The following PRMT3 variants were observed in gnomAD, a reference collection of about 807,000 sequenced individuals.
PRMT3 encodes the protein protein arginine N-methyltransferase 3.
A neutral mutation model predicts 71.9 loss-of-function variants in PRMT3; 62 were observed. The ratio of observed to expected loss-of-function variants is 0.86; its 90% CI spans 0.70 to 1.07. PRMT3 has a LOEUF of 1.07. Ranked by LOEUF, PRMT3 falls within the 50% of genes least tolerant of loss-of-function variation. The pLI, the probability that PRMT3 is intolerant of heterozygous loss-of-function variation, is 0.00. For synonymous variants in PRMT3, 213 were observed against 220.4 expected, an observed-to-expected ratio of 0.97 and a Z score of 0.30; for missense variants, 663 against 643.0, an observed-to-expected ratio of 1.03 and a Z score of -0.34.
intron 10 of PRMT3, among the ~76,000 whole-genome samples, chr11:20,444,222 T>TA (rs1379724101): frequency 6.6e-6 from 1 of 152,176 alleles, no homozygotes; most frequent in Non-Finnish European, 1.5e-5. Context: ...AAAAAAATGT[T>TA]ACCAGTTTCT....
At chr11:20,435,319 A>G (rs1003559324) in intron 10 of PRMT3, among the ~76,000 whole-genome samples, 1 of 152,052 alleles carries the variant, frequency 6.6e-6, no homozygotes, top group Non-Finnish European at 1.5e-5. Flanking sequence ...CTTCCACCCC[A>G]GTATCCTGAG....
chr11:20,442,363 G>A (rs55882017), intron 10 of PRMT3, among the ~76,000 whole-genome samples: 10,542 of 151,550 alleles, frequency 0.07, 515 homozygotes, highest in Middle Eastern at 0.14. Context: ...TTTTAGTTAT[G>A]CAAAAAATTA....
chr11:20,402,275 A>T (rs1250454760), intron 7 of PRMT3, among the ~76,000 whole-genome samples: 3 of 151,958 alleles, frequency 2.0e-5, no homozygotes, highest in Non-Finnish European at 4.4e-5. Flanking sequence ...ATGCGCCACC[A>T]CACCCGACTA....
intron 9 of PRMT3, among the ~76,000 whole-genome samples, chr11:20,412,036 T>C (rs1460196968): frequency 6.6e-6 from 1 of 152,186 alleles, no homozygotes; most frequent in Non-Finnish European, 1.5e-5. Context: ...TAGATGTATT[T>C]AAAGGACTAA....
chr11:20,387,853 G>T lies in PRMT3; in HGVS notation c.28+79G>T. 1 of 1,536,238 alleles carries T rather than the reference G, an allele frequency of 6.5e-7. No homozygotes were observed. The stretch of plus-strand genomic sequence containing the variant: ...TGTGGGGCCGGTGGAAGACCCTCCG[G>T]GACACGGGCCCGGGCAGGGTGGGGG... On this transcript the variant is annotated intron_variant, in intron 1 of 15. Coordinates refer to ENST00000331079, the MANE Select transcript of PRMT3 (RefSeq NM_005788.4). This position sits in a 1 kb window ranked among gnomAD's most constrained non-coding sequence, Gnocchi z 4.3.
At chr11:20,489,208 T>C (rs1432793493) in intron 13 of PRMT3, among the ~76,000 whole-genome samples, 1 of 152,244 alleles carries the variant, frequency 6.6e-6, no homozygotes, top group Non-Finnish European at 1.5e-5. Flanking sequence ...AACTAAACTT[T>C]TAGTTATAAA....
At chr11:20,490,118 G>A (rs1851172239) in intron 13 of PRMT3, among the ~76,000 whole-genome samples, 1 of 151,420 alleles carries the variant, frequency 6.6e-6, no homozygotes, top group Admixed American at 6.6e-5. Flanking sequence ...TGTCTAGTGA[G>A]TAGATAGATT....
intron 13 of PRMT3, among the ~76,000 whole-genome samples, chr11:20,484,088 A>C (rs1219656015): frequency 6.6e-6 from 1 of 152,192 alleles, no homozygotes; most frequent in Admixed American, 6.5e-5. Context: ...GTCCCTGAAC[A>C]TTCCAGGATA....
chr11:20,463,761 G>A (rs997971659), intron 12 of PRMT3, among the ~76,000 whole-genome samples: 1 of 152,088 alleles, frequency 6.6e-6, no homozygotes, highest in Non-Finnish European at 1.5e-5. Context: ...AGCTGATGAC[G>A]GTCTTTACAG....
chr11:20,435,389 A>T (rs536505681), intron 10 of PRMT3, among the ~76,000 whole-genome samples: 1 of 152,136 alleles, frequency 6.6e-6, no homozygotes, highest in South Asian at 2.1e-4. Flanking sequence ...TTCAGTAGAG[A>T]TGGGGTTTTG....
Position 20,462,049 on chromosome 11 carries a change from C to T in PRMT3, c.1142C>T (p.Ala381Val). The T allele has an allele frequency of 6.2e-7, 1 of 1,612,736 alleles. No homozygotes were observed. The highest frequency in any genetic ancestry group is 8.5e-7 in the Non-Finnish European group (1 of 1,179,142). ...GTGAATAAACATGCTGATAGAATTG[C>T]TTTTTGGGATGATGTCTATGGCTTC... ...SDVNKHADRIAFWDDVYGFKM... is the reference protein window; with the variant it reads ...SDVNKHADRIVFWDDVYGFKM... Residue 381 changes from alanine (A) to valine (V), a missense_variant, in exon 12 of 16, where the codon GCT (alanine) becomes GTT (valine). Transcript: ENST00000331079.
chr11:20,406,609 A>G (rs1307051940), intron 8 of PRMT3: 1 of 152,220 alleles, frequency 6.6e-6, no homozygotes, highest in Non-Finnish European at 1.5e-5. Flanking sequence ...CTATTAACAT[A>G]GGTATACAGA....
chr11:20,468,656 A>G (rs34016883), intron 13 of PRMT3, among the ~76,000 whole-genome samples: 8,954 of 152,088 alleles, frequency 0.059, 821 homozygotes, highest in African/African-American at 0.2. Flanking sequence ...GGCATGAACC[A>G]CTCTCTGCCT....
At chr11:20,432,764 A>C (rs1045709411) in intron 10 of PRMT3, among the ~76,000 whole-genome samples, 2 of 152,210 alleles carry the variant, frequency 1.3e-5, no homozygotes, top group African/African-American at 4.8e-5. Flanking sequence ...GCATGAAATA[A>C]TATCACATTA....
At chr11:20,396,060 A>T in intron 6 of PRMT3, 98 bp downstream of exon 6, 2 of 1,099,542 alleles carry the variant, frequency 1.8e-6, no homozygotes, top group Non-Finnish European at 2.6e-6. Flanking sequence ...ATATACTGGA[A>T]AGTACAATGT....
chr11:20,481,442 GTGTGT>G (rs1850930146), intron 13 of PRMT3, among the ~76,000 whole-genome samples: 1 of 152,032 alleles, frequency 6.6e-6, no homozygotes. Context: ...CTTTATAAAA[GTGTGT>G]ATTTTTAATA....
intron 6 of PRMT3, among the ~76,000 whole-genome samples, chr11:20,396,408 G>A (rs994111785): frequency 2.0e-5 from 3 of 152,178 alleles, no homozygotes; most frequent in Non-Finnish European, 4.4e-5. Context: ...GGAGGCCGAG[G>A]CAGGAGGATC....
intron 15 of PRMT3, among the ~76,000 whole-genome samples, chr11:20,495,316 G>A (rs530656928): frequency 1.2e-4 from 18 of 152,066 alleles, no homozygotes; most frequent in African/African-American, 3.6e-4. Context: ...GCACCCAGCC[G>A]AGGCCAGTTT....
intron 9 of PRMT3, among the ~76,000 whole-genome samples, chr11:20,415,036 G>GTGTA (rs140251322): frequency 3.0e-4 from 46 of 151,046 alleles, no homozygotes; most frequent in East Asian, 1.8e-3. Context: ...GTGTGTGTGT[G>GTGTA]TGTGTGTGTG....
Sources: gnomAD v4.1 joint callset for allele counts (sites outside exome capture counted in the v4.1 genomes callset) on GRCh38, gnomAD v4.1.1 for gene constraint, Gnocchi (gnomAD v3.1) non-coding constraint, MANE v1.5 for transcripts, NCBI Gene and HGNC (gene_info 2026-07-23, HGNC 2026-07-21) for gene names.